Variants in PTPN4 observed in about 807,000 individuals in gnomAD.
The protein encoded by PTPN4 is tyrosine-protein phosphatase non-receptor type 4.
PTPN4 carries 49 observed loss-of-function variants against 135.5 expected under a neutral mutation model. The observed-to-expected ratio is 0.36, with a 90% CI of 0.29 to 0.46. The LOEUF is 0.46. Ranked by LOEUF, PTPN4 falls within the 20% of genes least tolerant of loss-of-function variation. The pLI, the probability that PTPN4 is intolerant of heterozygous loss-of-function variation, is 1.00. For missense variants in PTPN4, 860 were observed against 1,101.0 expected (o/e 0.78, Z 3.10); for synonymous variants, 333 against 369.9 (o/e 0.90, Z 1.14).
chr2:119,906,774 C>A (rs1666100545), intron 10 of PTPN4, among the ~76,000 whole-genome samples: 1 of 152,194 alleles, frequency 6.6e-6, no homozygotes, highest in African/African-American at 2.4e-5. Context: ...GATGCCCACG[C>A]TGACCACTCT....
At chr2:119,763,544 A>C (rs1574319816) in intron 1 of PTPN4, among the ~76,000 whole-genome samples, 2 of 152,208 alleles carry the variant, frequency 1.3e-5, no homozygotes, top group East Asian at 3.8e-4. Context: ...GAAATGAAAT[A>C]ACTTGTCTAG....
At chr2:119,844,846 G>C (rs1386549847) in intron 2 of PTPN4, among the ~76,000 whole-genome samples, 2 of 147,392 alleles carry the variant, frequency 1.4e-5, no homozygotes, top group South Asian at 2.2e-4. Flanking sequence ...CTTCCCAGAC[G>C]GTGTGGCAGC....
chr2:119,869,067 A>G (rs1315422565), intron 3 of PTPN4, among the ~76,000 whole-genome samples: 2 of 152,228 alleles, frequency 1.3e-5, no homozygotes, highest in East Asian at 3.8e-4. Flanking sequence ...TTTATTCATA[A>G]TAGCCCAAAT....
At chr2:119,899,081 G>C (rs1678366711) in intron 9 of PTPN4, among the ~76,000 whole-genome samples, 1 of 152,152 alleles carries the variant, frequency 6.6e-6, no homozygotes, top group South Asian at 2.1e-4. Flanking sequence ...AGGTGGGAAG[G>C]AATACAAAGC....
chr2:119,864,369 GT>G, intron 3 of PTPN4, among the ~76,000 whole-genome samples: 1 of 151,980 alleles, frequency 6.6e-6, no homozygotes, highest in East Asian at 1.9e-4. Flanking sequence ...CAGATATAAG[GT>G]TTTTTTCCTT....
At chr2:119,812,392 A>G (rs1676905337) in intron 2 of PTPN4, among the ~76,000 whole-genome samples, 1 of 152,208 alleles carries the variant, frequency 6.6e-6, no homozygotes. Context: ...CATTGGAGTC[A>G]TTGCTTTTCA....
intron 12 of PTPN4, among the ~76,000 whole-genome samples, chr2:119,922,554 T>TTA (rs931046531): frequency 1.4e-4 from 22 of 152,324 alleles, no homozygotes; most frequent in Middle Eastern, 3.4e-3. Context: ...ATGATATCCT[T>TTA]TATATATATT....
rs1679203381 is a variant in PTPN4 at position 119,950,910 on chromosome 2, A to G, written c.1657-1063A>G. Among the ~76,000 whole-genome samples the G allele has an allele frequency of 2.0e-5, 3 of 152,224 alleles. No individual in the cohort carries two copies. In the South Asian group the frequency reaches 6.2e-4, roughly 31 times the overall value. ...TTATGGTTGTTCCCATGACCTTTAA[A>G]TTTATTGTCAAAACATTAAGAATTT... is the stretch of plus-strand genomic sequence containing the variant. On this transcript the variant is annotated intron_variant, in intron 18 of 26. Transcript: ENST00000263708.
chr2:119,806,317 G>A (rs557409905), intron 1 of PTPN4, among the ~76,000 whole-genome samples: 30 of 152,264 alleles, frequency 2.0e-4, no homozygotes, highest in African/African-American at 6.7e-4. Flanking sequence ...TCAGTGTGCT[G>A]TATTCAGGAG....
At chr2:119,898,790 A>G (rs1364155096) in intron 9 of PTPN4, among the ~76,000 whole-genome samples, 2 of 152,178 alleles carry the variant, frequency 1.3e-5, no homozygotes, top group Admixed American at 6.5e-5. Flanking sequence ...AACTCTAGGA[A>G]TGCCTTGGGA....
At chr2:119,789,595 T>C (rs1007287324) in intron 1 of PTPN4, among the ~76,000 whole-genome samples, 4 of 152,234 alleles carry the variant, frequency 2.6e-5, no homozygotes, top group Non-Finnish European at 5.9e-5. Context: ...TGTGTTGTTA[T>C]TTTTGTTTTC....
In PTPN4 at chr2:119,946,554, C is replaced by T. The variant is rs1246147420; in HGVS notation, c.1636C>T (p.Arg546Ter). The change falls in exon 18 of 27, where the codon CGA (arginine) becomes TGA (stop). Residue 546 changes from arginine to a stop codon, truncating the protein, a stop_gained. Transcript: ENST00000263708. LOFTEE classifies it high-confidence loss of function. ...YDQKMPVIVS[R>*]VAPGTPADLC... The stretch of plus-strand genomic sequence containing the variant: ...TCAGAAGATGCCTGTGATTGTGTCT[C>T]GAGTAGCACCAGGAACACCTGTGAG... The T allele has an allele frequency of 1.2e-6, 2 of 1,607,922 alleles. No homozygotes were observed. Among genetic ancestry groups the T allele is most frequent in the Non-Finnish European group, 1.7e-6 (2 of 1,176,146 alleles).
intron 9 of PTPN4, 77 bp from the exon 10 acceptor site, chr2:119,900,641 A>G: frequency 2.3e-6 from 2 of 880,868 alleles, no homozygotes; most frequent in Non-Finnish European, 1.7e-6. Context: ...TTAAAAATAG[A>G]ATCCTATTTT....
chr2:119,863,801 C>T (rs1314576923), intron 3 of PTPN4, among the ~76,000 whole-genome samples: 2 of 152,094 alleles, frequency 1.3e-5, no homozygotes, highest in African/African-American at 2.4e-5. Flanking sequence ...TTAAAATAAA[C>T]TTTCCTCATA....
chr2:119,922,796 C>A (rs1278110856), intron 12 of PTPN4, among the ~76,000 whole-genome samples: 3 of 152,066 alleles, frequency 2.0e-5, no homozygotes, highest in African/African-American at 7.2e-5. Context: ...TCATCTGGGG[C>A]AGAAGTCTTA....
chr2:119,965,662 CT>C lies in PTPN4; in HGVS notation c.2558+21del, dbSNP rs1475498379. ...CCATTGCAGGTACTCTGTTTTCCGT[CT>C]TTTATGAGTGTATAGCTGAACAGAT... On this transcript the variant is annotated intron_variant, in intron 25 of 26. Transcript: ENST00000263708. The C allele has an allele frequency of 5.6e-6, 9 of 1,608,848 alleles. No homozygotes were observed. The highest frequency in any genetic ancestry group is 7.6e-6 in the Non-Finnish European group (9 of 1,177,498).
intron 9 of PTPN4, among the ~76,000 whole-genome samples, chr2:119,892,055 T>G (rs1678248530): frequency 6.6e-6 from 1 of 152,180 alleles, no homozygotes; most frequent in African/African-American, 2.4e-5. Context: ...GTGAGTAAAG[T>G]AGATAAAACT....
At chr2:119,960,066 T>A (rs1212098678) in intron 22 of PTPN4, among the ~76,000 whole-genome samples, 1 of 152,206 alleles carries the variant, frequency 6.6e-6, no homozygotes, top group Admixed American at 6.5e-5. Flanking sequence ...TATGTTTATA[T>A]GTTGTATATA....
At chr2:119,889,378 C>G (rs1211471205) in intron 9 of PTPN4, among the ~76,000 whole-genome samples, 1 of 152,246 alleles carries the variant, frequency 6.6e-6, no homozygotes, top group African/African-American at 2.4e-5. Flanking sequence ...CGAGATGGCG[C>G]CACTGCACTC....
Sources: allele counts gnomAD v4.1 joint callset (sites outside exome capture counted in the v4.1 genomes callset), GRCh38; gene constraint gnomAD v4.1.1; transcripts MANE v1.5; gene names NCBI Gene and HGNC (gene_info 2026-07-23, HGNC 2026-07-21).